The following UGT2B17 variants were observed in gnomAD, a reference collection of about 807,000 sequenced individuals.
UGT2B17 encodes the protein UDP glucuronosyltransferase family 2 member B17.
In UGT2B17, 21 loss-of-function variants were observed where a neutral mutation model predicts 48.2. The observed-to-expected ratio is 0.44, with a 90% CI of 0.31 to 0.63. The LOEUF is 0.63. Among genes scored for constraint, UGT2B17 ranks in the 20% least tolerant of loss-of-function variants. UGT2B17 has a pLI of 0.08. For missense variants in UGT2B17, 402 were observed against 696.1 expected (o/e 0.58, Z 4.75); for synonymous variants, 146 against 238.4 (o/e 0.61, Z 3.57).
chr4:68,568,932 T>G lies in UGT2B17; in HGVS notation c.-64-384A>C, dbSNP rs1355967029. On this transcript the variant is annotated intron_variant, in intron 1 of 6. Coordinates refer to ENST00000317746, the MANE Select transcript of UGT2B17 (RefSeq NM_001077.4). ...CTAGTATATTCACAGAATTTTACTT[T>G]CACTACAATAATCAGTATTATCTCC... Among the ~76,000 whole-genome samples, 2 of 139,910 alleles carry G rather than the reference T, an allele frequency of 1.4e-5. 1 individual carries two copies. Among genetic ancestry groups the G allele is most frequent in the Admixed American group, 1.4e-4 (2 of 13,880 alleles). The allele number at this position is 139,910 out of a possible 152,430, so 91.8% of individuals were successfully genotyped here. A position where few individuals can be genotyped will look rare whatever the true frequency, so the allele number is the denominator to read the frequency against.
rs1311504172 is a variant in UGT2B17, at chr4:68,542,924, A to G, written c.1314-5020T>C. Among the ~76,000 whole-genome samples the G allele has an allele frequency of 2.4e-4, 31 of 126,728 alleles. 6 individuals are homozygous for G. Among genetic ancestry groups the G allele is most frequent in the Non-Finnish European group, 4.0e-4 (24 of 59,640 alleles). 83.1% of individuals were successfully genotyped at this position (126,728 alleles called of 152,430 possible). ...CGCCTGCCATTCCCATGGATTGAAT[A>G]GGTAAACAAAGCGGCCCAGAAGCTT... On this transcript the variant is annotated intron_variant, in intron 6 of 6. Coordinates refer to ENST00000317746, the MANE Select transcript of UGT2B17 (RefSeq NM_001077.4).
intron 4 of UGT2B17, among the ~76,000 whole-genome samples, chr4:68,553,917 G>A (rs565582693): frequency 8.1e-6 from 1 of 122,772 alleles, no homozygotes; most frequent in Non-Finnish European, 1.7e-5. Flanking sequence ...CTCCTCCCAG[G>A]CAAAAGGCAC....
In UGT2B17 at chr4:68,553,129, A is replaced by AT. The variant is rs1163299147; in HGVS notation, c.1006-1219dup. 7.2e-5 allele frequency among the ~76,000 whole-genome samples: 9 copies of AT among 124,590 alleles called. 2 individuals are homozygous for AT. Among genetic ancestry groups the AT allele is most frequent in the Non-Finnish European group, 6.8e-5 (4 of 59,002 alleles). The allele number at this position is 124,590 out of a possible 152,430, so 81.7% of individuals were successfully genotyped here. A position where few individuals can be genotyped will look rare whatever the true frequency, so the allele number is the denominator to read the frequency against. On this transcript the variant is annotated intron_variant, in intron 4 of 6. Coordinates refer to ENST00000317746, the MANE Select transcript of UGT2B17 (RefSeq NM_001077.4). ...GCTTAATGATCACATTTTTGGGAGT[A>AT]TTTTTTTTGTACATTCCAGTATTTC...
rs537248489 is a variant in UGT2B17, at chr4:68,552,022, TAAG to T, written c.1006-114_1006-112del. 9.1e-4 allele frequency: 700 copies of T among 771,270 alleles called. 128 individuals carry two copies. In the African/African-American group the frequency reaches 0.011, roughly 12 times the overall value. The allele number at this position is 771,270 out of a possible 1,614,324, so 47.8% of individuals were successfully genotyped here. On this transcript the variant is annotated intron_variant, in intron 4 of 6. Transcript: ENST00000317746. ...TTAATCCATATAAAAGATGAAGAAA[TAAG>T]AAGAAGTGATGTCAAGTAATGAGAA...
Position 68,537,778 on chromosome 4 carries a change from T to G in UGT2B17, c.1440A>C (p.Ala480=). 1 of 1,379,878 alleles carries G rather than the reference T, an allele frequency of 7.2e-7. No homozygotes were observed. The highest frequency in any genetic ancestry group is 1.7e-5 in the South Asian group (1 of 60,032). The allele number at this position is 1,379,878 out of a possible 1,614,324, so 85.5% of individuals were successfully genotyped here. A position where few individuals can be genotyped will look rare whatever the true frequency, so the allele number is the denominator to read the frequency against. ...RHKGAKHLRV[A]AHNLTWIQYH... is the part of the protein sequence containing the mutation. ...ACTGGATCCAGGTGAGGTTGTGGGC[T>G]GCGACCCGAAGGTGCTTGGCTCCTT... Residue 480 remains alanine, a synonymous_variant, in exon 7 of 7, where the codon GCA becomes GCC. Transcript: ENST00000317746.
chr4:68,555,783 C>A lies in UGT2B17; in HGVS notation c.1006-3872G>T, dbSNP rs1323586874. On this transcript the variant is annotated intron_variant, in intron 4 of 6. Coordinates refer to ENST00000317746, the MANE Select transcript of UGT2B17 (RefSeq NM_001077.4). ...AAAAAAAAATTTGTAGGAAAACATT[C>A]TTTCCAAAAAAAAGTGCATCTTTTT... 8.1e-5 allele frequency among the ~76,000 whole-genome samples: 10 copies of A among 124,056 alleles called. 2 individuals carry two copies. The highest frequency in any genetic ancestry group is 2.7e-4 in the African/African-American group (10 of 36,622). 81.4% of individuals were successfully genotyped at this position (124,056 alleles called of 152,430 possible).
At position 68,568,082 on chromosome 4, in the gene UGT2B17, T is replaced by G; in HGVS notation, c.403A>C (p.Lys135Gln). Residue 135 changes from lysine (K) to glutamine (Q), a missense_variant, in exon 2 of 7, where the codon AAG becomes CAG. Around this residue, in one of 5 missense-constraint regions of UGT2B17, gnomAD observed 84 missense variants for 92.6 expected, o/e 0.91. Transcript: ENST00000317746. ...IKLCEDAVLN[K>Q]KLMRKLQESK... Reference sequence around the variant, plus strand: ...TCTTGTAGTTTTCTCATAAGTTTCTTGTTCAAAACTGCATCTTCACAGAGC... The same window carrying G: ...TCTTGTAGTTTTCTCATAAGTTTCTGGTTCAAAACTGCATCTTCACAGAGC... 7.2e-7 allele frequency: 1 copy of G among 1,383,216 alleles called. No individual in the cohort carries two copies. Among genetic ancestry groups the G allele is most frequent in the Non-Finnish European group, 9.5e-7 (1 of 1,055,460 alleles). The allele number at this position is 1,383,216 out of a possible 1,614,324, so 85.7% of individuals were successfully genotyped here. A position where few individuals can be genotyped will look rare whatever the true frequency, so the allele number is the denominator to read the frequency against.
rs1251181160 is a variant in UGT2B17, at chr4:68,554,731, T to C, written c.1006-2820A>G. Among the ~76,000 whole-genome samples, 2 of 126,382 alleles carry C rather than the reference T, an allele frequency of 1.6e-5. 1 individual carries two copies. 82.9% of individuals were successfully genotyped at this position (126,382 alleles called of 152,430 possible). ...GTGTACATTATGATGTAAATTTTGC[T>C]ATTTGATTTTCACCTGAATGGTTTC... On this transcript the variant is annotated intron_variant, in intron 4 of 6. Transcript: ENST00000317746.
In UGT2B17 at chr4:68,567,758, T is replaced by G; in HGVS notation, c.724+3A>C. The stretch of plus-strand genomic sequence containing the variant: ...ATAAACACCAATTGGACACACGACT[T>G]ACCTAGAACTTCACTATAAAACTGG... On this transcript the variant is annotated splice_donor_region_variant and intron_variant, in intron 2 of 6. Transcript: ENST00000317746. 7.6e-7 allele frequency: 1 copy of G among 1,316,516 alleles called. No homozygotes were observed. The highest frequency in any genetic ancestry group is 9.7e-7 in the Non-Finnish European group (1 of 1,027,700). The allele number at this position is 1,316,516 out of a possible 1,614,324, so 81.6% of individuals were successfully genotyped here.
chr4:68,557,872 G>C (rs1443648689), intron 4 of UGT2B17, among the ~76,000 whole-genome samples: 4 of 124,074 alleles, frequency 3.2e-5, no homozygotes, highest in African/African-American at 1.1e-4. Flanking sequence ...TCATCTATAA[G>C]GTCCCTGTAC....
Position 68,543,542 on chromosome 4 carries a change from A to G in UGT2B17, c.1314-5638T>C, listed in dbSNP as rs1209934395. Among the ~76,000 whole-genome samples, 2 of 126,056 alleles carry G rather than the reference A, an allele frequency of 1.6e-5. 1 individual carries two copies. The highest frequency in any genetic ancestry group is 5.4e-5 in the African/African-American group (2 of 36,880). 82.7% of individuals were successfully genotyped at this position (126,056 alleles called of 152,430 possible). A position where few individuals can be genotyped will look rare whatever the true frequency, so the allele number is the denominator to read the frequency against. On this transcript the variant is annotated intron_variant, in intron 6 of 6. Transcript: ENST00000317746. Reference sequence around the variant, plus strand: ...TCAGAATGCCTCTCCTCCTCCAAAGAAATGCAGCTCCTCACCAGCAATGGA... The same window carrying G: ...TCAGAATGCCTCTCCTCCTCCAAAGGAATGCAGCTCCTCACCAGCAATGGA...
In UGT2B17 at chr4:68,550,651, C is replaced by T. The variant is rs770731450; in HGVS notation, c.1313+26G>A. On this transcript the variant is annotated intron_variant, in intron 6 of 6. Coordinates refer to ENST00000317746, the MANE Select transcript of UGT2B17 (RefSeq NM_001077.4). ...TTGACAAAATAATTTGTAAGTACCACCTGGTCACAAAATTGTAATACTCAC... is the reference window on the plus strand; with the variant it reads ...TTGACAAAATAATTTGTAAGTACCATCTGGTCACAAAATTGTAATACTCAC... 33 of 1,350,928 alleles carry T rather than the reference C, an allele frequency of 2.4e-5. 11 individuals are homozygous for T. The highest frequency in any genetic ancestry group is 2.9e-5 in the Non-Finnish European group (30 of 1,035,398). 83.7% of individuals were successfully genotyped at this position (1,350,928 alleles called of 1,614,324 possible).
At chr4:68,574,768 C>G (rs537081233) in intron 1 of UGT2B17, among the ~76,000 whole-genome samples, 1 of 126,178 alleles carries the variant, frequency 7.9e-6, no homozygotes, top group African/African-American at 2.7e-5. Flanking sequence ...AATTATGCAA[C>G]ATTTTTTGCA....
rs1484778686 is a variant in UGT2B17 at position 68,549,936 on chromosome 4, A to G, written c.1313+741T>C. On this transcript the variant is annotated intron_variant, in intron 6 of 6. Transcript: ENST00000317746. Reference sequence around the variant, plus strand: ...GTATAAACATATCAAAGAATATTATATAGAAATAAAAATGAATGAGTTCTG... The same window carrying G: ...GTATAAACATATCAAAGAATATTATGTAGAAATAAAAATGAATGAGTTCTG... Among the ~76,000 whole-genome samples the G allele has an allele frequency of 1.4e-4, 18 of 126,398 alleles. 3 individuals are homozygous for G. Among genetic ancestry groups the G allele is most frequent in the Non-Finnish European group, 1.7e-5 (1 of 59,614 alleles). 82.9% of individuals were successfully genotyped at this position (126,398 alleles called of 152,430 possible).
At chr4:68,542,883 G>A (rs1190014336) in intron 6 of UGT2B17, among the ~76,000 whole-genome samples, 2 of 127,010 alleles carry the variant, frequency 1.6e-5, no homozygotes, top group Non-Finnish European at 3.3e-5. Flanking sequence ...AGGCAGCAGT[G>A]AGACTGGGGG....
At chr4:68,572,374 T>C (rs370936343) in intron 1 of UGT2B17, among the ~76,000 whole-genome samples, 1 of 126,822 alleles carries the variant, frequency 7.9e-6, no homozygotes, top group African/African-American at 2.7e-5. Flanking sequence ...GGCTTAAAAT[T>C]GTTCATAACA....
intron 6 of UGT2B17, among the ~76,000 whole-genome samples, chr4:68,546,782 A>G (rs1186938659): frequency 5.6e-5 from 7 of 124,726 alleles, no homozygotes; most frequent in Non-Finnish European, 8.5e-5. Context: ...TACACCCATA[A>G]CAGACAAACA....
In UGT2B17 at chr4:68,561,356, G is replaced by C. The variant is rs1731099757; in HGVS notation, c.874-688C>G. Among the ~76,000 whole-genome samples, 5 of 121,630 alleles carry C rather than the reference G, an allele frequency of 4.1e-5. 1 individual carries two copies. In the Admixed American group the frequency reaches 4.3e-4, roughly 11 times the overall value. The allele number at this position is 121,630 out of a possible 152,430, so 79.8% of individuals were successfully genotyped here. A position where few individuals can be genotyped will look rare whatever the true frequency, so the allele number is the denominator to read the frequency against. On this transcript the variant is annotated intron_variant, in intron 3 of 6. Coordinates refer to ENST00000317746, the MANE Select transcript of UGT2B17 (RefSeq NM_001077.4). ...TTGACGTTCATCAGTCTGGTGTTGG[G>C]GCTTGGAATTTCCGGGAAATAGTTC...
chr4:68,564,294 A>ATAT lies in UGT2B17; in HGVS notation c.873+1277_873+1278insATA, dbSNP rs1366181355. 7.1e-4 allele frequency among the ~76,000 whole-genome samples: 54 copies of ATAT among 75,750 alleles called. 5 individuals carry two copies. The highest frequency in any genetic ancestry group is 3.8e-3 in the East Asian group (2 of 526). 49.7% of individuals were successfully genotyped at this position (75,750 alleles called of 152,430 possible). On this transcript the variant is annotated intron_variant, in intron 3 of 6. Coordinates refer to ENST00000317746, the MANE Select transcript of UGT2B17 (RefSeq NM_001077.4). ...ATTTCATATATATATATATATATAT[A>ATAT]TTTTTTTTTTTTGAGACAGAGTCTC...
Sources: allele counts gnomAD v4.1 joint callset (sites outside exome capture counted in the v4.1 genomes callset), GRCh38; gene constraint gnomAD v4.1.1; regional missense constraint gnomAD v4.1.1; transcripts MANE v1.5; gene names NCBI Gene and HGNC (gene_info 2026-07-23, HGNC 2026-07-21).